SPACA7: variants seen among roughly 807,000 people sequenced by gnomAD.
The protein encoded by SPACA7 is sperm acrosome-associated protein 7.
Under a neutral mutation model 26.3 loss-of-function variants are expected in SPACA7, and 19 were observed. The ratio of observed to expected loss-of-function variants is 0.72; its 90% CI spans 0.50 to 1.06. SPACA7 has a LOEUF of 1.06. SPACA7 is among the 50% of genes least tolerant of loss of function. SPACA7 has a pLI of 0.00. For synonymous variants in SPACA7, 84 were observed against 84.5 expected (o/e 0.99, Z 0.04); for missense variants, 211 against 229.9 (o/e 0.92, Z 0.53).
intron 5 of SPACA7, among the ~76,000 whole-genome samples, chr13:112,408,606 A>C (rs1023629300): frequency 5.8e-4 from 88 of 151,638 alleles, no homozygotes; most frequent in Non-Finnish European, 8.7e-4. Context: ...TCATGAGTGA[A>C]CTCCCATTCA....
intron 1 of SPACA7, among the ~76,000 whole-genome samples, chr13:112,381,587 G>A: frequency 6.6e-6 from 1 of 152,130 alleles, no homozygotes. Flanking sequence ...TCAAGACAGG[G>A]GAACTGCGAT....
chr13:112,389,956 G>A (rs572390764), intron 1 of SPACA7, among the ~76,000 whole-genome samples: 1 of 152,364 alleles, frequency 6.6e-6, no homozygotes, highest in East Asian at 1.9e-4. Flanking sequence ...TGTGATTGAA[G>A]CAGCCATCTG....
intron 4 of SPACA7, 95 bp from the exon 5 acceptor site, chr13:112,400,974 T>C (rs1885600870): frequency 3.4e-6 from 3 of 878,944 alleles, no homozygotes; most frequent in Non-Finnish European, 3.6e-6. Context: ...TATTAGCATC[T>C]CAACTTAGCA....
Position 112,399,113 on chromosome 13 carries a change from C to T in SPACA7, c.289C>T (p.His97Tyr). Residue 97 changes from histidine to tyrosine, a missense_variant, in exon 4 of 7, where the codon CAT (histidine) becomes TAT (tyrosine). Transcript: ENST00000283550. ...TCAAGCTGGTGGTTCTGAGAATTAC[C>T]ATGAATTATTAGAGAATTTACAATT... ...NYQAGGSENY[H>Y]ELLENLQFSP... The T allele has an allele frequency of 6.2e-7, 1 of 1,610,800 alleles. No individual in the cohort carries two copies. Among genetic ancestry groups the T allele is most frequent in the Non-Finnish European group, 8.5e-7 (1 of 1,177,356 alleles).
intron 5 of SPACA7, among the ~76,000 whole-genome samples, chr13:112,418,285 C>T (rs571934756): frequency 6.6e-6 from 1 of 152,128 alleles, no homozygotes; most frequent in Non-Finnish European, 1.5e-5. Context: ...CAGAACAATC[C>T]TCAACTGTAA....
chr13:112,400,118 C>G (rs1353721596), intron 4 of SPACA7, among the ~76,000 whole-genome samples: 2 of 152,004 alleles, frequency 1.3e-5, no homozygotes, highest in Non-Finnish European at 2.9e-5. Flanking sequence ...TGTAGGACAT[C>G]TGTGGTGTTC....
At chr13:112,388,010 G>A (rs1043371560) in intron 1 of SPACA7, among the ~76,000 whole-genome samples, 3 of 152,280 alleles carry the variant, frequency 2.0e-5, no homozygotes, top group African/African-American at 7.2e-5. Context: ...TGGGCAAGGC[G>A]AAGACAGGCC....
At chr13:112,413,124 A>T (rs1287552008) in intron 5 of SPACA7, among the ~76,000 whole-genome samples, 1 of 152,098 alleles carries the variant, frequency 6.6e-6, no homozygotes, top group African/African-American at 2.4e-5. Flanking sequence ...CCACAATTGC[A>T]GTGTTAGAGT....
chr13:112,424,162 G>T (rs987541793), intron 5 of SPACA7, among the ~76,000 whole-genome samples: 1 of 152,160 alleles, frequency 6.6e-6, no homozygotes, highest in African/African-American at 2.4e-5. Flanking sequence ...GCCCCTACCC[G>T]CCCGAAGGCA....
intron 5 of SPACA7, among the ~76,000 whole-genome samples, chr13:112,415,535 A>G (rs1466507251): frequency 6.6e-6 from 1 of 152,022 alleles, no homozygotes; most frequent in Non-Finnish European, 1.5e-5. Flanking sequence ...TTGCTGTGGC[A>G]GGGTTTGTGC....
chr13:112,403,098 G>A (rs1250607328), intron 5 of SPACA7, among the ~76,000 whole-genome samples: 2 of 152,050 alleles, frequency 1.3e-5, no homozygotes, highest in Non-Finnish European at 2.9e-5. Flanking sequence ...AGAAATCCCT[G>A]TGAAACCATC....
At chr13:112,389,599 G>A (rs891540017) in intron 1 of SPACA7, among the ~76,000 whole-genome samples, 7 of 152,156 alleles carry the variant, frequency 4.6e-5, no homozygotes, top group Non-Finnish European at 1.0e-4. Context: ...AATTTGAATA[G>A]AACTCCTTTA....
intron 2 of SPACA7, among the ~76,000 whole-genome samples, chr13:112,393,759 G>A (rs9577736): frequency 0.13 from 19,831 of 152,074 alleles, 3,220 homozygotes; most frequent in African/African-American, 0.37. Flanking sequence ...AGGCCAAAGC[G>A]GGCAGATCAC....
chr13:112,413,074 C>G lies in SPACA7; in HGVS notation c.445+11910C>G, dbSNP rs1886451769. Reference sequence around the variant, plus strand: ...AAATTATTATTTTTTAATAGATTTGCCTTTTCATCTTTATACTAAAGATAT... The same window carrying G: ...AAATTATTATTTTTTAATAGATTTGGCTTTTCATCTTTATACTAAAGATAT... On this transcript the variant is annotated intron_variant, in intron 5 of 6. Transcript: ENST00000283550. 3.3e-5 allele frequency among the ~76,000 whole-genome samples: 5 copies of G among 152,082 alleles called. No individual in the cohort carries two copies. The South Asian group carries it at 1.0e-3, about 32-fold the overall frequency.
At chr13:112,392,519 A>G (rs1035947019) in intron 1 of SPACA7, among the ~76,000 whole-genome samples, 7 of 152,164 alleles carry the variant, frequency 4.6e-5, no homozygotes, top group South Asian at 4.1e-4. Flanking sequence ...GGTCTTCATG[A>G]TGCAGCCACA....
chr13:112,399,648 C>G (rs1594276359), intron 4 of SPACA7, among the ~76,000 whole-genome samples: 3 of 152,198 alleles, frequency 2.0e-5, no homozygotes, highest in East Asian at 3.9e-4. Flanking sequence ...ATACTTGGAC[C>G]CCATGGAGGG....
intron 5 of SPACA7, among the ~76,000 whole-genome samples, chr13:112,414,970 A>C (rs2139019849): frequency 6.6e-6 from 1 of 152,316 alleles, no homozygotes; most frequent in East Asian, 1.9e-4. Flanking sequence ...TCATTGATTC[A>C]AAGGAGACTG....
chr13:112,417,739 T>C (rs1886782517), intron 5 of SPACA7, among the ~76,000 whole-genome samples: 1 of 152,214 alleles, frequency 6.6e-6, no homozygotes, highest in South Asian at 2.1e-4. Flanking sequence ...TTGCTTATTC[T>C]GATAGTGTTT....
rs554909762 is a variant in SPACA7 at position 112,405,095 on chromosome 13, G to A, written c.445+3931G>A. Among the ~76,000 whole-genome samples the A allele has an allele frequency of 2.2e-4, 32 of 145,088 alleles. No individual in the cohort carries two copies. The South Asian group carries it at 4.1e-3, about 19-fold the overall frequency. On this transcript the variant is annotated intron_variant, in intron 5 of 6. Transcript: ENST00000283550. Reference sequence around the variant, plus strand: ...CCTCCCGGGTTCACGCCATTCTCCCGCCTCAGCCTCCAGAGCAGCTGGGAC... The same window carrying A: ...CCTCCCGGGTTCACGCCATTCTCCCACCTCAGCCTCCAGAGCAGCTGGGAC...
Sources: allele counts gnomAD v4.1 joint callset (sites outside exome capture counted in the v4.1 genomes callset), GRCh38; gene constraint gnomAD v4.1.1; transcripts MANE v1.5; gene names NCBI Gene and HGNC (gene_info 2026-07-23, HGNC 2026-07-21).